ATP2B4: variants seen among roughly 807,000 people sequenced by gnomAD.
ATP2B4 encodes the protein ATPase plasma membrane Ca2+ transporting 4.
ATP2B4 carries 39 observed loss-of-function variants against 110.3 expected under a neutral mutation model. The ratio of observed to expected loss-of-function variants is 0.35; its 90% CI spans 0.27 to 0.46. The LOEUF (loss-of-function observed/expected upper bound fraction) is 0.46, where lower values mean the gene tolerates loss of function less well. Among genes scored for constraint, ATP2B4 ranks in the 20% least tolerant of loss-of-function variants. The pLI, the probability that ATP2B4 is intolerant of heterozygous loss-of-function variation, is 1.00. For synonymous variants in ATP2B4, 538 were observed against 571.7 expected (o/e 0.94, Z 0.84); for missense variants, 1,135 against 1,530.9 (o/e 0.74, Z 4.32).
intron 1 of ATP2B4, among the ~76,000 whole-genome samples, 179 bp downstream of exon 1, chr1:203,627,398 A>G (rs1663121603): frequency 6.6e-6 from 1 of 152,098 alleles, no homozygotes; most frequent in African/African-American, 2.4e-5. Flanking sequence ...TGTTTTACCT[A>G]TTATCAGTTC....
intron 8 of ATP2B4, among the ~76,000 whole-genome samples, chr1:203,705,165 C>A (rs192748038): frequency 6.6e-6 from 1 of 152,234 alleles, no homozygotes; most frequent in Non-Finnish European, 1.5e-5. Context: ...TATTGGACAG[C>A]ATAAATAGAG....
At position 203,709,557 on chromosome 1, in the gene ATP2B4, C is replaced by A; in HGVS notation, c.1799+15C>A. The A allele has an allele frequency of 6.2e-7, 1 of 1,613,872 alleles. No individual in the cohort carries two copies. The highest frequency in any genetic ancestry group is 1.1e-5 in the South Asian group (1 of 91,082). ...ATCTTGCGCAAGTGAGCACCCCCGA[C>A]CACTCTGCTTCCCTTCAAGATCCTC... is the stretch of plus-strand genomic sequence containing the variant. On this transcript the variant is annotated intron_variant, in intron 11 of 20. Transcript: ENST00000357681.
At chr1:203,713,346 C>A in intron 14 of ATP2B4, 94 bp downstream of exon 14, 1 of 1,410,232 alleles carries the variant, frequency 7.1e-7, no homozygotes, top group Non-Finnish European at 1.0e-6. Flanking sequence ...CTCTCCTGTC[C>A]AAATAGGGAG....
chr1:203,713,088 A>G (rs1023852254), intron 13 of ATP2B4, 77 bp from the exon 14 acceptor site: 39 of 1,476,770 alleles, frequency 2.6e-5, no homozygotes, highest in Non-Finnish European at 3.4e-5. Context: ...AGTGACTCCA[A>G]GTGTATGGAG....
At chr1:203,707,584 C>T (rs1558043866) in intron 9 of ATP2B4, among the ~76,000 whole-genome samples, 1 of 152,114 alleles carries the variant, frequency 6.6e-6, no homozygotes, top group Non-Finnish European at 1.5e-5. Context: ...GTGTGCACCA[C>T]CATGCCCAGT....
At chr1:203,642,333 C>T (rs1033156791) in intron 1 of ATP2B4, among the ~76,000 whole-genome samples, 2 of 152,194 alleles carry the variant, frequency 1.3e-5, no homozygotes, top group African/African-American at 4.8e-5. Flanking sequence ...ATCCACCTGC[C>T]TCTGCCTCCC....
At chr1:203,701,808 G>A (rs1332768120) in intron 6 of ATP2B4, among the ~76,000 whole-genome samples, 1 of 152,080 alleles carries the variant, frequency 6.6e-6, no homozygotes, top group East Asian at 1.9e-4. Flanking sequence ...AGCACCTCAG[G>A]TATGAGTATG....
chr1:203,692,701 CTGA>C (rs1665418862), intron 2 of ATP2B4, among the ~76,000 whole-genome samples: 1 of 152,218 alleles, frequency 6.6e-6, no homozygotes, highest in African/African-American at 2.4e-5. Context: ...TGAGCTGGTT[CTGA>C]TAAGTAGTGC....
At position 203,706,360 on chromosome 1, in the gene ATP2B4, A is replaced by T. The variant is rs564285732; in HGVS notation, c.1100-649A>T. 2.0e-5 allele frequency among the ~76,000 whole-genome samples: 3 copies of T among 152,302 alleles called. No individual in the cohort carries two copies. The East Asian group carries it at 5.8e-4, about 29-fold the overall frequency. ...TCATCTTTAAAAAGGCGGTAATAATAATGACCTATTTCACAGGGTTGTGAA... is the reference window on the plus strand; with the variant it reads ...TCATCTTTAAAAAGGCGGTAATAATTATGACCTATTTCACAGGGTTGTGAA... On this transcript the variant is annotated intron_variant, in intron 8 of 20. Coordinates refer to ENST00000357681, the MANE Select transcript of ATP2B4 (RefSeq NM_001684.5).
chr1:203,713,322 A>T (rs1014489379), intron 14 of ATP2B4, 70 bp downstream of exon 14: 142 of 1,572,756 alleles, frequency 9.0e-5, no homozygotes, highest in Middle Eastern at 1.7e-4. Context: ...GATAAGAACC[A>T]CCAGCCAAAG....
chr1:203,666,319 C>T (rs372243017), intron 1 of ATP2B4, among the ~76,000 whole-genome samples: 1 of 6,818 alleles, frequency 1.5e-4, no homozygotes, highest in African/African-American at 1.6e-4. Flanking sequence ...TGGTTTCTTA[C>T]AATGTTCTCC....
chr1:203,681,594 C>T (rs1334615987), intron 1 of ATP2B4, among the ~76,000 whole-genome samples: 1 of 152,124 alleles, frequency 6.6e-6, no homozygotes, highest in Non-Finnish European at 1.5e-5. Context: ...CACACAGCGG[C>T]CCCACTCTGA....
At chr1:203,678,019 A>T (rs1031092866) in intron 1 of ATP2B4, among the ~76,000 whole-genome samples, 38 of 152,236 alleles carry the variant, frequency 2.5e-4, no homozygotes, top group African/African-American at 8.2e-4. Flanking sequence ...CAGAAGCCAG[A>T]GTTGACCAGA....
intron 1 of ATP2B4, among the ~76,000 whole-genome samples, chr1:203,630,191 C>T (rs1663220177): frequency 1.3e-5 from 2 of 152,058 alleles, no homozygotes; most frequent in South Asian, 4.2e-4. Flanking sequence ...GCCAGGATAT[C>T]GGGAGGCTTT....
At position 203,735,232 on chromosome 1, in the gene ATP2B4, C is replaced by T. The variant is rs149474741; in HGVS notation, c.3310-4314C>T. 1.6e-3 allele frequency among the ~76,000 whole-genome samples: 248 copies of T among 152,198 alleles called. 3 individuals carry two copies. The East Asian group carries it at 0.027, about 17-fold the overall frequency. On this transcript the variant is annotated intron_variant, in intron 20 of 20. Transcript: ENST00000357681. ...AAGTTTCAGGAAGCCCTTTCTCAGCCGGACTTGCAATTGGAGTATTATCAA... is the reference window on the plus strand; with the variant it reads ...AAGTTTCAGGAAGCCCTTTCTCAGCTGGACTTGCAATTGGAGTATTATCAA...
intron 12 of ATP2B4, among the ~76,000 whole-genome samples, chr1:203,711,683 T>C (rs1412314614): frequency 6.6e-6 from 1 of 152,118 alleles, no homozygotes; most frequent in Non-Finnish European, 1.5e-5. Context: ...GAAGTCTCAA[T>C]TGTAAGTGAA....
chr1:203,682,230 T>C (rs896961091), intron 1 of ATP2B4, among the ~76,000 whole-genome samples: 3 of 152,144 alleles, frequency 2.0e-5, no homozygotes, highest in Non-Finnish European at 2.9e-5. Context: ...GTCTTCCTTG[T>C]GTGTAAATGT....
rs1234488712 is a variant in ATP2B4 at position 203,739,808 on chromosome 1, T to TC, written c.3577dup (p.Gln1193ProfsTer57). 5 of 1,613,908 alleles carry TC rather than the reference T, an allele frequency of 3.1e-6. No homozygotes were observed. In the African/African-American group the frequency reaches 6.7e-5, roughly 22 times the overall value. On this transcript the variant is annotated frameshift_variant, in exon 21 of 21. Coordinates refer to ENST00000357681, the MANE Select transcript of ATP2B4 (RefSeq NM_001684.5). LOFTEE classifies it high-confidence loss of function. The stretch of plus-strand genomic sequence containing the variant: ...GCGGTGGATTGCAACCAAGTGCAGC[T>TC]CCCCCAGTCGGACAGCTCTCTACAG...
At chr1:203,639,281 G>T (rs939868500) in intron 1 of ATP2B4, among the ~76,000 whole-genome samples, 7 of 152,190 alleles carry the variant, frequency 4.6e-5, no homozygotes, top group Non-Finnish European at 7.3e-5. Context: ...TCATTCATTT[G>T]CTTGTTCACT....
Sources: gnomAD v4.1 joint callset for allele counts (sites outside exome capture counted in the v4.1 genomes callset) on GRCh38, gnomAD v4.1.1 for gene constraint, MANE v1.5 for transcripts, NCBI Gene and HGNC (gene_info 2026-07-23, HGNC 2026-07-21) for gene names.